Variants in ARHGAP31 observed in about 807,000 individuals in gnomAD.
The protein encoded by ARHGAP31 is rho GTPase-activating protein 31.
ARHGAP31 carries 34 observed loss-of-function variants against 113.9 expected under a neutral mutation model. The ratio of observed to expected loss-of-function variants is 0.30; its 90% CI spans 0.23 to 0.40. The LOEUF (loss-of-function observed/expected upper bound fraction) is 0.40. ARHGAP31 is among the 10% of genes least tolerant of loss of function. ARHGAP31 has a pLI of 1.00. For missense variants in ARHGAP31, 1,548 were observed against 1,767.1 expected, an observed-to-expected ratio of 0.88 and a Z score of 2.22; for synonymous variants, 650 against 684.8, an observed-to-expected ratio of 0.95 and a Z score of 0.79.
intron 10 of ARHGAP31, among the ~76,000 whole-genome samples, chr3:119,404,262 G>A (rs1043174099): frequency 1.3e-5 from 2 of 152,192 alleles, no homozygotes; most frequent in Non-Finnish European, 2.9e-5. Flanking sequence ...GAGACAGTCT[G>A]TTATCCGTTT....
Position 119,417,595 on chromosome 3 carries a change from C to T in ARHGAP31, c.*1331C>T, listed in dbSNP as rs1382001302. 2.0e-5 allele frequency: 3 copies of T among 152,060 alleles called. No individual in the cohort carries two copies. 9.4% of individuals were successfully genotyped at this position (152,060 alleles called of 1,614,324 possible). ...ACCCCATCTCTTAAAAAATAACAGA[C>T]TTGAGGAACCCCTCTCCCTTCCATA... On this transcript the variant is annotated 3_prime_UTR_variant, in exon 12 of 12. Coordinates refer to ENST00000264245, the MANE Select transcript of ARHGAP31 (RefSeq NM_020754.4).
At chr3:119,358,401 T>C (rs1199819445) in intron 1 of ARHGAP31, among the ~76,000 whole-genome samples, 2 of 152,224 alleles carry the variant, frequency 1.3e-5, no homozygotes, top group Admixed American at 1.3e-4. Flanking sequence ...CTGGTGGGAA[T>C]GTAAAATGGC....
At chr3:119,340,411 C>T (rs1298474997) in intron 1 of ARHGAP31, among the ~76,000 whole-genome samples, 1 of 152,166 alleles carries the variant, frequency 6.6e-6, no homozygotes, top group Non-Finnish European at 1.5e-5. Context: ...TTTGAAGATC[C>T]ACAAACGTCT....
chr3:119,305,737 T>C (rs1459404067), intron 1 of ARHGAP31, among the ~76,000 whole-genome samples: 1 of 152,206 alleles, frequency 6.6e-6, no homozygotes, highest in Non-Finnish European at 1.5e-5. Context: ...AGAAGAGCCA[T>C]GTTGCTTTCT....
intron 11 of ARHGAP31, among the ~76,000 whole-genome samples, chr3:119,413,322 A>T (rs955742467): frequency 6.6e-6 from 1 of 151,822 alleles, no homozygotes; most frequent in Non-Finnish European, 1.5e-5. Context: ...GTCTCAAAAA[A>T]AAAAAAAAAA....
At chr3:119,346,222 A>C (rs554638095) in intron 1 of ARHGAP31, among the ~76,000 whole-genome samples, 6 of 152,334 alleles carry the variant, frequency 3.9e-5, no homozygotes, top group Admixed American at 3.3e-4. Flanking sequence ...TCTTCAGTGA[A>C]TTTAAGCCTG....
At chr3:119,398,051 G>A (rs114790288) in intron 8 of ARHGAP31, among the ~76,000 whole-genome samples, 107 of 152,280 alleles carry the variant, frequency 7.0e-4, no homozygotes, top group Middle Eastern at 3.4e-3. Context: ...AGGATTGCTT[G>A]AGTCTAGGAG....
chr3:119,404,913 C>T (rs904198037), intron 10 of ARHGAP31, among the ~76,000 whole-genome samples: 1 of 152,146 alleles, frequency 6.6e-6, no homozygotes, highest in Non-Finnish European at 1.5e-5. Context: ...GACAACAAAC[C>T]GAATCCTTCT....
chr3:119,306,842 G>C (rs1302229892), intron 1 of ARHGAP31, among the ~76,000 whole-genome samples: 1 of 152,164 alleles, frequency 6.6e-6, no homozygotes, highest in African/African-American at 2.4e-5. Context: ...GCAGCTATGT[G>C]AAACGACACG....
At chr3:119,382,487 G>T in intron 5 of ARHGAP31, 88 bp downstream of exon 5, 1 of 1,331,738 alleles carries the variant, frequency 7.5e-7, no homozygotes, top group South Asian at 1.2e-5. Flanking sequence ...TCAAATTGAA[G>T]CCCCTTTAAA....
chr3:119,302,335 A>G (rs1336387058), intron 1 of ARHGAP31, among the ~76,000 whole-genome samples: 1 of 152,234 alleles, frequency 6.6e-6, no homozygotes, highest in Non-Finnish European at 1.5e-5. Flanking sequence ...GGGAACAAAC[A>G]GGCTGACTGT....
At chr3:119,361,355 T>C (rs2080204819) in intron 1 of ARHGAP31, among the ~76,000 whole-genome samples, 1 of 151,034 alleles carries the variant, frequency 6.6e-6, no homozygotes, top group Admixed American at 6.6e-5. Context: ...TGGTCTAGAC[T>C]AGTGGTTCTT....
At chr3:119,313,969 C>T (rs901809697) in intron 1 of ARHGAP31, among the ~76,000 whole-genome samples, 11 of 152,196 alleles carry the variant, frequency 7.2e-5, no homozygotes, top group African/African-American at 2.2e-4. Flanking sequence ...TCACTAAATC[C>T]GTCAATGGCT....
intron 1 of ARHGAP31, among the ~76,000 whole-genome samples, chr3:119,316,823 A>G (rs1230200829): frequency 6.6e-6 from 1 of 152,198 alleles, no homozygotes; most frequent in Non-Finnish European, 1.5e-5. Flanking sequence ...AATTTATCTG[A>G]ACAAAGCACT....
intron 1 of ARHGAP31, chr3:119,329,796 C>T: frequency 1.0e-6 from 1 of 985,430 alleles, no homozygotes; most frequent in Non-Finnish European, 1.2e-6. Context: ...ACAGACTGTT[C>T]TGTGACTGAA....
chr3:119,316,921 G>A (rs73854484), intron 1 of ARHGAP31, among the ~76,000 whole-genome samples: 9,648 of 152,240 alleles, frequency 0.063, 335 homozygotes, highest in Non-Finnish European at 0.074. Context: ...CACCCACCCA[G>A]CCAACCATTT....
Position 119,414,724 on chromosome 3 carries a change from A to G in ARHGAP31, c.2795A>G (p.Gln932Arg). The G allele has an allele frequency of 6.2e-7, 1 of 1,614,206 alleles. No individual in the cohort carries two copies. Among genetic ancestry groups the G allele is most frequent in the Middle Eastern group, 1.6e-4 (1 of 6,062 alleles). ...TLKDAHKAQV[Q>R]GLQGHQLEKR... ...AAAGACGCGCACAAGGCCCAGGTACAGGGCCTTCAGGGTCACCAGTTGGAG... is the reference window on the plus strand; with the variant it reads ...AAAGACGCGCACAAGGCCCAGGTACGGGGCCTTCAGGGTCACCAGTTGGAG... The change falls in exon 12 of 12, where the codon CAG (glutamine) becomes CGG (arginine). Residue 932 changes from glutamine (Q) to arginine (R), a missense_variant. Physicochemically the swap from Gln to Arg is conservative, Grantham distance 43. Coordinates refer to ENST00000264245, the MANE Select transcript of ARHGAP31 (RefSeq NM_020754.4).
chr3:119,334,701 G>A (rs567553333), intron 1 of ARHGAP31, among the ~76,000 whole-genome samples: 4 of 152,318 alleles, frequency 2.6e-5, no homozygotes, highest in Admixed American at 1.3e-4. Context: ...ATTGAACAAC[G>A]AAGTCCACGT....
intron 1 of ARHGAP31, among the ~76,000 whole-genome samples, chr3:119,351,810 G>A (rs1162744225): frequency 6.6e-6 from 1 of 152,184 alleles, no homozygotes; most frequent in Non-Finnish European, 1.5e-5. Context: ...GTATCCATTA[G>A]CACTTAAGAG....
Sources: allele counts gnomAD v4.1 joint callset (sites outside exome capture counted in the v4.1 genomes callset), GRCh38; gene constraint gnomAD v4.1.1; transcripts MANE v1.5; gene names NCBI Gene and HGNC (gene_info 2026-07-23, HGNC 2026-07-21).